Variants in NLRP2 observed in about 807,000 individuals in gnomAD.
NLRP2 encodes NLR family pyrin domain containing 2.
In NLRP2, 107 loss-of-function variants were observed where a neutral mutation model predicts 97.2. The observed-to-expected ratio is 1.10, with a 90% CI of 0.94 to 1.29. The LOEUF (loss-of-function observed/expected upper bound fraction) is 1.29, where lower values mean the gene tolerates loss of function less well. Among genes scored for constraint, NLRP2 ranks in the 50% most tolerant of loss-of-function variants. The pLI is 0.00. For synonymous variants in NLRP2, 663 were observed against 551.5 expected, an observed-to-expected ratio of 1.20 and a Z score of -2.83; for missense variants, 1,495 against 1,330.3, an observed-to-expected ratio of 1.12 and a Z score of -1.93.
chr19:54,997,099 G>A lies in NLRP2; in HGVS notation c.2880-218G>A, dbSNP rs565812030. ...ACTTCTGTATATTTAGTAGAGACAC[G>A]GTTTTACCATGTTAGGTTGGTCTTG... On this transcript the variant is annotated intron_variant, in intron 11 of 12. Coordinates refer to ENST00000448584, the MANE Select transcript of NLRP2 (RefSeq NM_017852.5). Among the ~76,000 whole-genome samples, 54 of 152,236 alleles carry A rather than the reference G, an allele frequency of 3.5e-4. 4 individuals carry two copies. The South Asian group carries it at 0.01, about 29-fold the overall frequency.
At chr19:54,975,260 A>G (rs1426938787) in intron 3 of NLRP2, among the ~76,000 whole-genome samples, 1 of 147,788 alleles carries the variant, frequency 6.8e-6, no homozygotes, top group Non-Finnish European at 1.5e-5. Context: ...AGCTGGGACC[A>G]CAGGCACTTG....
At chr19:54,970,770 C>CTTTTTTTTTTTTTTTTTTTCTTTTTTTT (rs34406686) in intron 2 of NLRP2, among the ~76,000 whole-genome samples, 1 of 108,474 alleles carries the variant, frequency 9.2e-6, no homozygotes, top group Admixed American at 9.7e-5. Context: ...CTACCTACTT[C>CTTTTTTTTTTTTTTTTTTTCTTTTTTTT]TTTTTTTTTT....
chr19:54,972,400 C>G (rs915497860), intron 2 of NLRP2, among the ~76,000 whole-genome samples: 4 of 151,802 alleles, frequency 2.6e-5, no homozygotes, highest in Non-Finnish European at 5.9e-5. Context: ...CCAGGCTGGT[C>G]TTGAACTCCT....
Position 54,983,740 on chromosome 19 carries a change from TTCAC to T in NLRP2, c.2030+15_2030+18del. 6.2e-7 allele frequency: 1 copy of T among 1,607,448 alleles called. No individual in the cohort carries two copies. The highest frequency in any genetic ancestry group is 8.5e-7 in the Non-Finnish European group (1 of 1,179,840). ...GCCGAGGTTGAGAGGTGAGAACCGT[TTCAC>T]TCTACCAGTCGTTCCATCTTTAGCC... On this transcript the variant is annotated intron_variant, in intron 6 of 12. Transcript: ENST00000448584.
intron 8 of NLRP2, among the ~76,000 whole-genome samples, chr19:54,987,151 C>T (rs1435831171): frequency 8.6e-5 from 13 of 151,282 alleles, no homozygotes; most frequent in Admixed American, 3.3e-4. Context: ...CACCCCACCC[C>T]GCCGTCGGCC....
At position 54,984,329 on chromosome 19, in the gene NLRP2, G is replaced by GTTTTTTTTTTTTTTTTTTTTTTT. The variant is rs200366059; in HGVS notation, c.2030+602_2030+624dup. Among the ~76,000 whole-genome samples the GTTTTTTTTTTTTTTTTTTTTTTT allele has an allele frequency of 3.4e-4, 27 of 79,670 alleles. 2 individuals are homozygous for GTTTTTTTTTTTTTTTTTTTTTTT. Among genetic ancestry groups the GTTTTTTTTTTTTTTTTTTTTTTT allele is most frequent in the African/African-American group, 8.8e-4 (19 of 21,636 alleles). The allele number at this position is 79,670 out of a possible 152,430, so 52.3% of individuals were successfully genotyped here. A position where few individuals can be genotyped will look rare whatever the true frequency, so the allele number is the denominator to read the frequency against. ...AACTTAAGTGGGGGTTTTTTTTTGT[G>GTTTTTTTTTTTTTTTTTTTTTTT]TTTTTTTTTTTTTTTTTTTTTTTGG... is the stretch of plus-strand genomic sequence containing the variant. On this transcript the variant is annotated intron_variant, in intron 6 of 12. Coordinates refer to ENST00000448584, the MANE Select transcript of NLRP2 (RefSeq NM_017852.5).
At chr19:54,986,046 G>A in intron 7 of NLRP2, 105 bp from the exon 8 acceptor site, 1 of 810,582 alleles carries the variant, frequency 1.2e-6, no homozygotes, top group Non-Finnish European at 2.1e-6. Flanking sequence ...TTTAAACATG[G>A]AAAAAATAGT....
intron 11 of NLRP2, among the ~76,000 whole-genome samples, chr19:54,995,151 A>G (rs1313613175): frequency 6.8e-6 from 1 of 146,254 alleles, no homozygotes; most frequent in Non-Finnish European, 1.5e-5. Flanking sequence ...TCTCTACTAA[A>G]ATATAAAAAT....
At chr19:54,977,370 G>A (rs548605277) in intron 3 of NLRP2, among the ~76,000 whole-genome samples, 2 of 151,942 alleles carry the variant, frequency 1.3e-5, no homozygotes, top group South Asian at 2.1e-4. Flanking sequence ...GCAGTGAGCC[G>A]ACATCACACC....
chr19:54,969,721 A>T (rs1202238785), intron 1 of NLRP2, among the ~76,000 whole-genome samples: 1 of 152,174 alleles, frequency 6.6e-6, no homozygotes, highest in Non-Finnish European at 1.5e-5. Flanking sequence ...GTGCAGTGGC[A>T]CAATCAAGGC....
chr19:54,975,660 G>T (rs2071183227), intron 3 of NLRP2, among the ~76,000 whole-genome samples: 1 of 151,754 alleles, frequency 6.6e-6, no homozygotes, highest in Non-Finnish European at 1.5e-5. Flanking sequence ...CACCGTGTTA[G>T]CCAGGATGGT....
intron 3 of NLRP2, among the ~76,000 whole-genome samples, chr19:54,976,079 C>T (rs1208596932): frequency 6.6e-6 from 1 of 151,416 alleles, no homozygotes; most frequent in East Asian, 2.0e-4. Flanking sequence ...GACAAAGTCT[C>T]ACTCTGTTGC....
intron 6 of NLRP2, 55 bp downstream of exon 6, chr19:54,983,783 C>G: frequency 1.9e-6 from 3 of 1,598,748 alleles, no homozygotes; most frequent in African/African-American, 1.3e-5. Flanking sequence ...TCCCATGCCC[C>G]CTTAGGAAGA....
At chr19:54,968,551 G>T (rs567302843) in intron 1 of NLRP2, among the ~76,000 whole-genome samples, 6 of 150,906 alleles carry the variant, frequency 4.0e-5, no homozygotes, top group African/African-American at 1.5e-4. Flanking sequence ...GCCCAGGCTG[G>T]TCTCAAACTC....
At position 54,983,153 on chromosome 19, in the gene NLRP2, C is replaced by A. The variant is rs377688731; in HGVS notation, c.1455C>A (p.Asp485Glu). Reference protein sequence around the residue: ...VQESDLRLFLDGDILRQDRVS... With the variant: ...VQESDLRLFLEGDILRQDRVS... ...AGTCCGACCTCCGTCTGTTCCTGGA[C>A]GGAGACATCCTCCGCCAGGACAGAG... is the stretch of plus-strand genomic sequence containing the variant. The change falls in exon 6 of 13, where the codon GAC (aspartate) becomes GAA (glutamate). Residue 485 changes from aspartate (D) to glutamate (E), a missense_variant. Physicochemically the swap from Asp to Glu is conservative, Grantham distance 45 (BLOSUM62 2). Transcript: ENST00000448584. The A allele has an allele frequency of 2.5e-6, 4 of 1,613,944 alleles. No homozygotes were observed. Among genetic ancestry groups the A allele is most frequent in the Admixed American group, 3.3e-5 (2 of 59,996 alleles).
chr19:54,984,403 G>C (rs1276435551), intron 6 of NLRP2, among the ~76,000 whole-genome samples: 1 of 126,504 alleles, frequency 7.9e-6, no homozygotes, highest in East Asian at 2.5e-4. Flanking sequence ...AACTCCCAAA[G>C]CACTGAGATT....
intron 12 of NLRP2, among the ~76,000 whole-genome samples, 164 bp from the exon 13 acceptor site, chr19:55,000,592 TAAAA>T (rs34129339): frequency 8.3e-6 from 1 of 119,908 alleles, no homozygotes; most frequent in African/African-American, 3.2e-5. Flanking sequence ...GACTGTCTTT[TAAAA>T]AAAAAAAAAA....
chr19:54,976,253 C>T (rs181526386), intron 3 of NLRP2, among the ~76,000 whole-genome samples: 71 of 151,946 alleles, frequency 4.7e-4, no homozygotes, highest in African/African-American at 1.6e-3. Context: ...TGGGGTTTCA[C>T]CATGTTGGCC....
chr19:54,969,159 A>G (rs2070683797), intron 1 of NLRP2, among the ~76,000 whole-genome samples: 3 of 152,040 alleles, frequency 2.0e-5, no homozygotes, highest in African/African-American at 7.2e-5. Flanking sequence ...TTTATAGGTT[A>G]ACTTTTAGAA....
Sources: allele counts gnomAD v4.1 joint callset (sites outside exome capture counted in the v4.1 genomes callset), GRCh38; gene constraint gnomAD v4.1.1; transcripts MANE v1.5; gene names NCBI Gene and HGNC (gene_info 2026-07-23, HGNC 2026-07-21).